GNL3L: variants seen among roughly 807,000 people sequenced by gnomAD.
GNL3L encodes G protein nucleolar 3 like.
In GNL3L, 4 loss-of-function variants were observed where a neutral mutation model predicts 42.9. That is an observed-to-expected ratio of 0.09 (90% CI 0.05 to 0.21). The LOEUF is 0.21. GNL3L is among the 10% of genes least tolerant of loss of function. The pLI is 1.00. For synonymous variants in GNL3L, 159 were observed against 176.3 expected (o/e 0.90, Z 0.78); for missense variants, 412 against 481.7 (o/e 0.86, Z 1.36).
At chrX:54,613,576 G>C (rs914348614) in intron 16 of GNL3L, among the ~76,000 whole-genome samples, 1 of 110,914 alleles carries the variant, frequency 9.0e-6, no homozygotes, top group Non-Finnish European at 1.9e-5. Flanking sequence ...CTGTTAGAGG[G>C]AAGGTCTAAG....
Position 54,543,257 on chromosome X carries a change from A to G in GNL3L, c.441A>G (p.Pro147=). The change falls in exon 7 of 16, where the codon CCA becomes CCG. Residue 147 remains proline, a synonymous_variant. Coordinates refer to ENST00000360845, the MANE Select transcript of GNL3L (RefSeq NM_001184819.2). ...VILEVLDARD[P]LGCRCFQMEE... ...TGGAAGTCCTGGATGCCAGAGACCC[A>G]TTAGGCTGCCGCTGCTTCCAAATGG... The G allele has an allele frequency of 3.3e-6, 4 of 1,209,383 alleles. No individual in the cohort carries two copies. Among genetic ancestry groups the G allele is most frequent in the Middle Eastern group, 2.3e-4 (1 of 4,354 alleles).
chrX:54,532,908 G>A (rs1311945456), intron 2 of GNL3L, among the ~76,000 whole-genome samples: 7 of 111,506 alleles, frequency 6.3e-5, no homozygotes, highest in Non-Finnish European at 1.1e-4. Flanking sequence ...ATCTGCCTAC[G>A]TCGGCCTCCC....
intron 16 of GNL3L, among the ~76,000 whole-genome samples, chrX:54,589,195 A>C (rs372165757): frequency 2.1e-4 from 24 of 111,732 alleles, no homozygotes; most frequent in East Asian, 1.1e-3. Context: ...AAAATGTACA[A>C]TTAAGTTATT....
rs890062972 is a variant in GNL3L, at chrX:54,565,829, T to G, written c.*5227T>G. Among the ~76,000 whole-genome samples the G allele has an allele frequency of 2.4e-4, 25 of 102,661 alleles. No homozygotes were observed. Among genetic ancestry groups the G allele is most frequent in the Non-Finnish European group, 4.3e-4 (22 of 50,584 alleles). The allele number at this position is 102,661 out of a possible 115,157, so 89.1% of individuals were successfully genotyped here. ...TATATGCTGGATACAGGGGTGTTTT[T>G]TTTTTTTTTTTTTTTTGAAACAGAG... On this transcript the variant is annotated 3_prime_UTR_variant, in exon 16 of 16. Coordinates refer to ENST00000360845, the MANE Select transcript of GNL3L (RefSeq NM_001184819.2).
In GNL3L at chrX:54,561,354, G is replaced by C. The variant is rs1332189886; in HGVS notation, c.*752G>C. ...GAGATTTCAGTGGCAAGGCATGCCT[G>C]CAGTGGGCTTTGGGCCATGCATCTT... On this transcript the variant is annotated 3_prime_UTR_variant, in exon 16 of 16. Coordinates refer to ENST00000360845, the MANE Select transcript of GNL3L (RefSeq NM_001184819.2). 8.9e-6 allele frequency among the ~76,000 whole-genome samples: 1 copy of C among 112,284 alleles called. No homozygotes were observed. Among genetic ancestry groups the C allele is most frequent in the African/African-American group, 3.2e-5 (1 of 30,880 alleles).
downstream of GNL3L, among the ~76,000 whole-genome samples, chrX:54,624,755 T>C (rs1926335535): frequency 9.0e-6 from 1 of 111,499 alleles, no homozygotes; most frequent in Non-Finnish European, 1.9e-5. Context: ...TGATTTCTTC[T>C]GAGGCTTCTC....
At chrX:54,542,034 A>C (rs1443001633) in intron 5 of GNL3L, among the ~76,000 whole-genome samples, 3 of 111,370 alleles carry the variant, frequency 2.7e-5, no homozygotes, top group Non-Finnish European at 5.7e-5. Context: ...TTTTTCTTCC[A>C]GTTCCCAGCT....
At chrX:54,549,817 A>G (rs1456427580) in intron 9 of GNL3L, among the ~76,000 whole-genome samples, 1 of 112,169 alleles carries the variant, frequency 8.9e-6, no homozygotes, top group Non-Finnish European at 1.9e-5. Context: ...ACATGTCACT[A>G]TGAGGCAGGT....
chrX:54,613,716 G>A (rs927540701), intron 16 of GNL3L, among the ~76,000 whole-genome samples: 1 of 110,667 alleles, frequency 9.0e-6, no homozygotes, highest in Non-Finnish European at 1.9e-5. Flanking sequence ...CCTGGCTCCC[G>A]GCTGGTACTG....
At chrX:54,585,997 A>T (rs1925778195) in intron 16 of GNL3L, among the ~76,000 whole-genome samples, 1 of 111,690 alleles carries the variant, frequency 9.0e-6, no homozygotes, top group Non-Finnish European at 1.9e-5. Context: ...GGCTGATTAG[A>T]GGCATCTCCT....
intron 16 of GNL3L, among the ~76,000 whole-genome samples, chrX:54,579,822 C>T (rs1447560655): frequency 9.0e-6 from 1 of 111,334 alleles, no homozygotes; most frequent in African/African-American, 3.3e-5. Flanking sequence ...AGACTACAGG[C>T]ATGCGCCACA....
chrX:54,636,187 C>T, the GNL3L span, among the ~76,000 whole-genome samples: 453 of 111,945 alleles, frequency 4.0e-3, 3 homozygotes, highest in African/African-American at 0.014. Context: ...CAGGTTAGAA[C>T]ATACATACAC....
At chrX:54,588,272 T>A (rs1411977664) in intron 16 of GNL3L, among the ~76,000 whole-genome samples, 2 of 112,181 alleles carry the variant, frequency 1.8e-5, no homozygotes, top group Non-Finnish European at 3.8e-5. Flanking sequence ...TGAGAAGACA[T>A]CTTTGCTTTG....
At chrX:54,536,838 A>G (rs965360195) in intron 2 of GNL3L, among the ~76,000 whole-genome samples, 1 of 107,563 alleles carries the variant, frequency 9.3e-6, no homozygotes, top group Non-Finnish European at 1.9e-5. Context: ...GAGACGAAAG[A>G]AAGGAAGGAA....
intron 16 of GNL3L, among the ~76,000 whole-genome samples, chrX:54,580,980 C>T (rs1201769615): frequency 3.6e-5 from 4 of 110,126 alleles, no homozygotes; most frequent in Non-Finnish European, 5.7e-5. Context: ...GGGGTTTCCC[C>T]ATGTTGGCCA....
the GNL3L span, among the ~76,000 whole-genome samples, chrX:54,636,348 A>G: frequency 8.9e-6 from 1 of 112,056 alleles, no homozygotes; most frequent in East Asian, 2.8e-4. Context: ...CTTTCTTACC[A>G]TTTTGAAGTT....
At chrX:54,577,700 G>GCATA (rs1925654458) in intron 16 of GNL3L, among the ~76,000 whole-genome samples, 1 of 110,987 alleles carries the variant, frequency 9.0e-6, no homozygotes, top group African/African-American at 3.3e-5. Context: ...ATTTTACTTA[G>GCATA]CATAATTCCT....
At chrX:54,590,793 G>GATTTATTTATTTATTT (rs752558764) in intron 16 of GNL3L, among the ~76,000 whole-genome samples, 2 of 109,782 alleles carry the variant, frequency 1.8e-5, no homozygotes, top group African/African-American at 6.7e-5. Flanking sequence ...TTAGGTCTTA[G>GATTTATTTATTTATTT]ATTTATTTAT....
chrX:54,548,423 C>T, intron 9 of GNL3L, 50 bp downstream of exon 9: 1 of 1,025,766 alleles, frequency 9.7e-7, no homozygotes, highest in Non-Finnish European at 1.4e-6. Flanking sequence ...CTTGAGCGGA[C>T]ACTTCGCTGG....
Sources: gnomAD v4.1 joint callset for allele counts (sites outside exome capture counted in the v4.1 genomes callset) on GRCh38, gnomAD v4.1.1 for gene constraint, MANE v1.5 for transcripts, NCBI Gene and HGNC (gene_info 2026-07-23, HGNC 2026-07-21) for gene names.